Variants in DCDC1 observed in about 807,000 individuals in gnomAD.
DCDC1 encodes the protein doublecortin domain containing 1, also known as doublecortin domain-containing protein 1.
A neutral mutation model predicts 178.3 loss-of-function variants in DCDC1; 200 were observed. That is an observed-to-expected ratio of 1.12 (90% confidence interval 1.00 to 1.26). The LOEUF (loss-of-function observed/expected upper bound fraction) is 1.26. DCDC1 is among the 50% of genes most tolerant of loss of function. The pLI is 0.00. For missense variants in DCDC1, 1,983 were observed against 1,749.2 expected (o/e 1.13, Z -2.38); for synonymous variants, 690 against 604.8 (o/e 1.14, Z -2.07).
intron 20 of DCDC1, among the ~76,000 whole-genome samples, chr11:31,062,379 C>A (rs547327875): frequency 1.3e-5 from 2 of 152,220 alleles, no homozygotes; most frequent in Non-Finnish European, 2.9e-5. Flanking sequence ...AAACATCAGA[C>A]AAGGACTTTC....
chr11:31,110,408 T>A lies in DCDC1; in HGVS notation c.1486-47A>T, dbSNP rs530788074. 1.3e-4 allele frequency: 87 copies of A among 679,618 alleles called. No homozygotes were observed. The African/African-American group carries it at 1.5e-3, about 12-fold the overall frequency. 42.1% of individuals were successfully genotyped at this position (679,618 alleles called of 1,614,324 possible). ...AAATAAAAATAAATACATGCACACA[T>A]ACATACATATATTCATACATACTTA... On this transcript the variant is annotated intron_variant, in intron 11 of 38. Coordinates refer to ENST00000684477, the MANE Select transcript of DCDC1 (RefSeq NM_001387274.1).
intron 19 of DCDC1, 42 bp downstream of exon 19, chr11:31,064,977 T>C (rs780992903): frequency 1.4e-6 from 1 of 691,992 alleles, no homozygotes; most frequent in Non-Finnish European, 2.6e-6. Context: ...AAATATATTT[T>C]AGAGAGCTAT....
rs190899827 is a variant in DCDC1 at position 31,160,500 on chromosome 11, C to A, written c.1222-22716G>T. Among the ~76,000 whole-genome samples, 334 of 152,192 alleles carry A rather than the reference C, an allele frequency of 2.2e-3. 2 individuals carry two copies. The highest frequency in any genetic ancestry group is 7.3e-3 in the African/African-American group (304 of 41,530). On this transcript the variant is annotated intron_variant, in intron 9 of 38. Transcript: ENST00000684477. ...TTTTCATGCTAGATCATCTGGAATA[C>A]AATTATAATGAAAAATTTCATCCCT... is the stretch of plus-strand genomic sequence containing the variant.
intron 8 of DCDC1, among the ~76,000 whole-genome samples, chr11:31,258,907 T>C (rs1234451326): frequency 6.6e-6 from 1 of 151,968 alleles, no homozygotes; most frequent in Non-Finnish European, 1.5e-5. Context: ...GAGCATGGGG[T>C]TTAAAAGCAC....
At chr11:31,281,660 G>A (rs1220296287) in intron 7 of DCDC1, among the ~76,000 whole-genome samples, 1 of 152,030 alleles carries the variant, frequency 6.6e-6, no homozygotes, top group Non-Finnish European at 1.5e-5. Context: ...GGACACAGTG[G>A]GAGATAATTG....
At chr11:31,083,027 A>G (rs1957281152) in intron 17 of DCDC1, among the ~76,000 whole-genome samples, 2 of 152,204 alleles carry the variant, frequency 1.3e-5, no homozygotes, top group African/African-American at 4.8e-5. Context: ...TGTTAATACA[A>G]CTTCTGTCTG....
At chr11:31,140,730 A>C (rs1162367520) in intron 9 of DCDC1, among the ~76,000 whole-genome samples, 2 of 152,168 alleles carry the variant, frequency 1.3e-5, no homozygotes, top group Non-Finnish European at 2.9e-5. Context: ...AAAGGAATAA[A>C]TTCACATTAA....
rs149389483 is a variant in DCDC1 at position 30,983,906 on chromosome 11, G to A, written c.2592-31338C>T. Among the ~76,000 whole-genome samples the A allele has an allele frequency of 4.0e-3, 605 of 152,194 alleles. 5 individuals are homozygous for A. Among genetic ancestry groups the A allele is most frequent in the African/African-American group, 0.014 (575 of 41,530 alleles). On this transcript the variant is annotated intron_variant, in intron 20 of 38. Transcript: ENST00000684477. Reference sequence around the variant, plus strand: ...GGGGTAAAAATCTGGTTATCTAAATGGGCGATATAATCGAAGGTTCAGCTA... The same window carrying A: ...GGGGTAAAAATCTGGTTATCTAAATAGGCGATATAATCGAAGGTTCAGCTA...
intron 20 of DCDC1, among the ~76,000 whole-genome samples, chr11:30,978,808 ACACACACACACACACACACC>A (rs1184702886): frequency 1.0e-4 from 7 of 70,308 alleles, no homozygotes; most frequent in Admixed American, 5.5e-4. Flanking sequence ...ACACACACAC[ACACACACACACACACACACC>A]CCCTTCTCAG....
intron 3 of DCDC1, among the ~76,000 whole-genome samples, chr11:31,309,353 C>A (rs1565591183): frequency 1.3e-5 from 2 of 152,166 alleles, no homozygotes; most frequent in South Asian, 2.1e-4. Flanking sequence ...CTGTGGCAAA[C>A]AACGCCTTGA....
intron 11 of DCDC1, among the ~76,000 whole-genome samples, chr11:31,113,420 T>C (rs905176613): frequency 2.0e-5 from 3 of 151,908 alleles, no homozygotes; most frequent in Non-Finnish European, 4.4e-5. Flanking sequence ...GGTATATCTC[T>C]TAATGCTATA....
Position 31,182,250 on chromosome 11 carries a change from A to G in DCDC1, c.1222-44466T>C, listed in dbSNP as rs1968902148. On this transcript the variant is annotated intron_variant, in intron 9 of 38. Coordinates refer to ENST00000684477, the MANE Select transcript of DCDC1 (RefSeq NM_001387274.1). ...TTCAGGAAATACAGAGAACACCACA[A>G]AGATACTCCTCGAGAAGAGCAACCC... Among the ~76,000 whole-genome samples the G allele has an allele frequency of 3.3e-5, 5 of 152,160 alleles. 1 individual carries two copies. The South Asian group carries it at 1.0e-3, about 32-fold the overall frequency.
chr11:31,006,630 A>G (rs1338057237), intron 20 of DCDC1, among the ~76,000 whole-genome samples: 1 of 152,230 alleles, frequency 6.6e-6, no homozygotes, highest in Non-Finnish European at 1.5e-5. Flanking sequence ...TCTATCTCAT[A>G]AGATGGCAGT....
intron 9 of DCDC1, among the ~76,000 whole-genome samples, chr11:31,144,654 T>C (rs1315213535): frequency 1.3e-5 from 2 of 152,194 alleles, no homozygotes; most frequent in African/African-American, 4.8e-5. Context: ...ATTCTATTAG[T>C]AGTAATATTG....
chr11:31,030,002 A>C (rs918499068), intron 20 of DCDC1, among the ~76,000 whole-genome samples: 1 of 152,144 alleles, frequency 6.6e-6, no homozygotes, highest in African/African-American at 2.4e-5. Flanking sequence ...AAACTGGTAA[A>C]ATTTGTAAGA....
chr11:30,960,163 T>C (rs1226002822), intron 20 of DCDC1, among the ~76,000 whole-genome samples: 5 of 152,164 alleles, frequency 3.3e-5, no homozygotes, highest in Non-Finnish European at 2.9e-5. Context: ...GAATTTAATC[T>C]TCAAGTATAA....
intron 20 of DCDC1, among the ~76,000 whole-genome samples, chr11:30,988,611 C>T (rs1160876199): frequency 6.6e-6 from 1 of 152,160 alleles, no homozygotes; most frequent in African/African-American, 2.4e-5. Context: ...CTATCTACAG[C>T]AGGGGCATCC....
In DCDC1 at chr11:30,913,713, A is replaced by G. The variant is rs148870171; in HGVS notation, c.3653+1798T>C. Among the ~76,000 whole-genome samples the G allele has an allele frequency of 1.4e-3, 206 of 152,334 alleles. 4 individuals carry two copies. In the East Asian group the frequency reaches 0.032, roughly 24 times the overall value. The stretch of plus-strand genomic sequence containing the variant: ...TGTGTTATACATGGTTAGATTTTCC[A>G]AGGCAGTGCTACACATGACCCAACA... On this transcript the variant is annotated intron_variant, in intron 27 of 38. Transcript: ENST00000684477.
At chr11:30,890,148 C>A (rs1277072031) in intron 36 of DCDC1, among the ~76,000 whole-genome samples, 1 of 152,198 alleles carries the variant, frequency 6.6e-6, no homozygotes, top group African/African-American at 2.4e-5. Flanking sequence ...GGACATCCAG[C>A]CTCCAGAACT....
Sources: allele counts gnomAD v4.1 joint callset (sites outside exome capture counted in the v4.1 genomes callset), GRCh38; gene constraint gnomAD v4.1.1; transcripts MANE v1.5; gene names NCBI Gene and HGNC (gene_info 2026-07-23, HGNC 2026-07-21).